Variants in FCGR1A observed in about 807,000 individuals in gnomAD.
The protein encoded by FCGR1A is high affinity immunoglobulin gamma Fc receptor I.
In FCGR1A, 13 loss-of-function variants were observed where a neutral mutation model predicts 35.0. That is an observed-to-expected ratio of 0.37 (90% CI 0.24 to 0.59). The LOEUF is 0.59. FCGR1A is among the 20% of genes least tolerant of loss of function. FCGR1A has a pLI of 0.71. For synonymous variants in FCGR1A, 91 were observed against 164.7 expected (o/e 0.55, Z 3.43); for missense variants, 227 against 430.0 (o/e 0.53, Z 4.17).
chr1:149,790,342 A>T lies in FCGR1A; in HGVS notation c.844+4A>T, dbSNP rs1381004033. On this transcript the variant is annotated splice_donor_region_variant and intron_variant, in intron 5 of 5. Transcript: ENST00000369168. Reference sequence around the variant, plus strand: ...GAGTTGGAGCTTCAAGTGCTTGGTGAGTGAGAATGACGGGAAGCCACTGGC... The same window carrying T: ...GAGTTGGAGCTTCAAGTGCTTGGTGTGTGAGAATGACGGGAAGCCACTGGC... 16 of 1,586,218 alleles carry T rather than the reference A, an allele frequency of 1.0e-5. No individual in the cohort carries two copies. Among genetic ancestry groups the T allele is most frequent in the Non-Finnish European group, 1.3e-5 (15 of 1,166,570 alleles).
At chr1:149,789,393 A>AAATAATAATAAT (rs781855250) in intron 4 of FCGR1A, among the ~76,000 whole-genome samples, 3,817 of 148,680 alleles carry the variant, frequency 0.026, 81 homozygotes, top group African/African-American at 0.057. Flanking sequence ...ACTACGTCTC[A>AAATAATAATAAT]AATAATAATA....
chr1:149,790,155 C>T lies in FCGR1A; in HGVS notation c.661C>T (p.Pro221Ser). Residue 221 changes from proline (P) to serine (S), a missense_variant, in exon 5 of 6, where the codon CCT becomes TCT. Physicochemically the swap from Pro to Ser is moderately conservative, Grantham distance 74. This residue lies in a region of FCGR1A where 185 missense variants were observed against 306.6 expected (regional missense o/e 0.60). Coordinates refer to ENST00000369168, the MANE Select transcript of FCGR1A (RefSeq NM_000566.4). ...TGAAACAAAGTTGCTCTTGCAGAGG[C>T]CTGGTTTGCAGCTTTACTTCTCCTT... ...SCETKLLLQR[P>S]GLQLYFSFYM... 1 of 1,613,968 alleles carries T rather than the reference C, an allele frequency of 6.2e-7. No individual in the cohort carries two copies. Among genetic ancestry groups the T allele is most frequent in the Non-Finnish European group, 8.5e-7 (1 of 1,179,866 alleles).
At chr1:149,792,842 A>G, downstream of FCGR1A, 1 of 1,272,596 alleles carries the variant, frequency 7.9e-7, no homozygotes, top group South Asian at 1.2e-5. Context: ...GATGGAAGAG[A>G]GCAAGGGGTC....
downstream of FCGR1A, chr1:149,792,843 G>A (rs1553752224): frequency 6.3e-6 from 8 of 1,271,956 alleles, no homozygotes; most frequent in Non-Finnish European, 8.1e-6. Flanking sequence ...ATGGAAGAGA[G>A]CAAGGGGTCG....
At chr1:149,794,025 T>A (rs2091770722), downstream of FCGR1A, 1 of 699,588 alleles carries the variant, frequency 1.4e-6, no homozygotes, top group Admixed American at 2.3e-5. Flanking sequence ...AGCTGACAGC[T>A]GGCTGGGAGG....
downstream of FCGR1A, among the ~76,000 whole-genome samples, chr1:149,795,258 A>ATAAG (rs1231383218): frequency 8.9e-6 from 1 of 111,742 alleles, no homozygotes; most frequent in Admixed American, 9.1e-5. Context: ...TCAAAAATAA[A>ATAAG]TAAATAAATA....
chr1:149,789,319 G>C (rs1452336889), intron 4 of FCGR1A, among the ~76,000 whole-genome samples: 1 of 152,106 alleles, frequency 6.6e-6, no homozygotes, highest in Non-Finnish European at 1.5e-5. Context: ...CATGAACCCG[G>C]GAAGCGGAGC....
chr1:149,798,900 A>AC, the FCGR1A span, among the ~76,000 whole-genome samples: 1 of 151,676 alleles, frequency 6.6e-6, no homozygotes, highest in African/African-American at 2.4e-5. Flanking sequence ...TGTGTGACCC[A>AC]CCATGTAAGC....
chr1:149,787,436 G>T (rs2091582557), intron 3 of FCGR1A: 1 of 152,226 alleles, frequency 6.6e-6, no homozygotes, highest in Non-Finnish European at 1.5e-5. Flanking sequence ...CTTGGAGCTT[G>T]TTTTGCTAGT....
chr1:149,785,275 A>G (rs1288109200), intron 3 of FCGR1A, among the ~76,000 whole-genome samples: 2 of 152,140 alleles, frequency 1.3e-5, no homozygotes, highest in East Asian at 3.9e-4. Context: ...GGTTGCTGTT[A>G]GAGGAAATGT....
At chr1:149,789,402 T>C (rs2091641756) in intron 4 of FCGR1A, among the ~76,000 whole-genome samples, 1 of 149,834 alleles carries the variant, frequency 6.7e-6, no homozygotes, top group Non-Finnish European at 1.5e-5. Context: ...CAAATAATAA[T>C]AATAATAATA....
intron 3 of FCGR1A, chr1:149,786,120 T>C (rs1553750818): frequency 6.6e-6 from 1 of 152,178 alleles, no homozygotes; most frequent in African/African-American, 2.4e-5. Context: ...ATTACTAATG[T>C]TTGACAGTAT....
At chr1:149,793,075 G>A (rs1361525367), downstream of FCGR1A, 24 of 1,274,980 alleles carry the variant, frequency 1.9e-5, no homozygotes, top group Non-Finnish European at 2.4e-5. Context: ...GGCCGTCTGT[G>A]GAGGTTGCAG....
chr1:149,790,727 T>C (rs2102061904), intron 5 of FCGR1A, among the ~76,000 whole-genome samples: 1 of 148,376 alleles, frequency 6.7e-6, no homozygotes, highest in East Asian at 2.0e-4. Context: ...TCACCAACAA[T>C]TTATCAAGTT....
chr1:149,785,261 A>T (rs1553750680), intron 3 of FCGR1A, among the ~76,000 whole-genome samples: 3 of 152,164 alleles, frequency 2.0e-5, no homozygotes. Context: ...CTTTATGCAG[A>T]CATGGTTGCT....
intron 4 of FCGR1A, 142 bp downstream of exon 4, chr1:149,788,759 G>C: frequency 1.2e-6 from 1 of 869,390 alleles, no homozygotes; most frequent in Non-Finnish European, 1.8e-6. Context: ...GCCACACCAT[G>C]ACCAGTAGCT....
the FCGR1A span, among the ~76,000 whole-genome samples, chr1:149,796,995 C>T: frequency 1.3e-5 from 2 of 152,232 alleles, no homozygotes; most frequent in Admixed American, 6.5e-5. Context: ...TAACTGCAAC[C>T]TCCATCTCCC....
downstream of FCGR1A, chr1:149,793,091 G>T (rs1361607199): frequency 2.4e-6 from 3 of 1,274,060 alleles, no homozygotes; most frequent in Middle Eastern, 3.2e-4. Context: ...TGCAGCTGCC[G>T]CCAAGCCCCG....
chr1:149,794,090 G>A (rs1553752542), downstream of FCGR1A: 1 of 502,852 alleles, frequency 2.0e-6, no homozygotes, highest in Admixed American at 2.3e-5. Context: ...TCCTCGGGCT[G>A]TAGAGAGACA....
Sources: allele counts gnomAD v4.1 joint callset (sites outside exome capture counted in the v4.1 genomes callset), GRCh38; gene constraint gnomAD v4.1.1; regional missense constraint gnomAD v4.1.1; transcripts MANE v1.5; gene names NCBI Gene and HGNC (gene_info 2026-07-23, HGNC 2026-07-21).